Variants in VWF observed in about 807,000 individuals in gnomAD.
The protein encoded by VWF is von Willebrand factor, also known as Factor VIII related antigen.
Under a neutral mutation model 308.6 loss-of-function variants are expected in VWF, and 176 were observed. The ratio of observed to expected loss-of-function variants is 0.57; its 90% CI spans 0.50 to 0.65. The LOEUF (loss-of-function observed/expected upper bound fraction) is 0.65. Among genes scored for constraint, VWF ranks in the 30% least tolerant of loss-of-function variants. The probability of loss-of-function intolerance (pLI) is 0.00; values close to 1 mark genes in which losing one functional copy is unlikely to be tolerated. For synonymous variants in VWF, 1,385 were observed against 1,443.4 expected (o/e 0.96, Z 0.92); for missense variants, 3,146 against 3,648.2 (o/e 0.86, Z 3.55).
At chr12:6,108,310 G>GAA (rs1270569470) in intron 5 of VWF, among the ~76,000 whole-genome samples, 14 of 105,960 alleles carry the variant, frequency 1.3e-4, no homozygotes, top group Non-Finnish European at 1.8e-4. Context: ...AAAAAAAAAA[G>GAA]AAAGAAAGAA....
At chr12:6,007,761 A>G (rs1488478764) in intron 34 of VWF, among the ~76,000 whole-genome samples, 3 of 152,140 alleles carry the variant, frequency 2.0e-5, no homozygotes, top group Non-Finnish European at 4.4e-5. Context: ...AAAACTTAGA[A>G]TTGGTTTTTT....
In VWF at chr12:6,028,747, G is replaced by C. The variant is rs193032461; in HGVS notation, c.2967+595C>G. On this transcript the variant is annotated intron_variant, in intron 22 of 51. Transcript: ENST00000261405. ...TCACCACCAGGCCTGCCTTACAAGA[G>C]CTCCTGAAGGAAGCACTAAACATGG... 2.2e-3 allele frequency among the ~76,000 whole-genome samples: 339 copies of C among 152,240 alleles called. 2 individuals carry two copies. Among genetic ancestry groups the C allele is most frequent in the African/African-American group, 7.1e-3 (295 of 41,536 alleles).
At chr12:5,965,049 T>G (rs1257353196) in intron 47 of VWF, among the ~76,000 whole-genome samples, 1 of 152,154 alleles carries the variant, frequency 6.6e-6, no homozygotes, top group Non-Finnish European at 1.5e-5. Context: ...CTGCTGGATT[T>G]CCTGGCTGCT....
At chr12:5,977,393 G>C (rs908276706) in intron 42 of VWF, among the ~76,000 whole-genome samples, 1 of 151,996 alleles carries the variant, frequency 6.6e-6, no homozygotes, top group Non-Finnish European at 1.5e-5. Flanking sequence ...GGAGTACTAT[G>C]CAGCTATAAG....
At chr12:6,105,806 G>T (rs922706528) in intron 5 of VWF, among the ~76,000 whole-genome samples, 18 of 151,898 alleles carry the variant, frequency 1.2e-4, no homozygotes, top group Non-Finnish European at 2.5e-4. Context: ...GGAGGCCAAG[G>T]TGGGCAGATC....
At position 6,018,936 on chromosome 12, in the gene VWF, G is replaced by A. The variant is rs1294039638; in HGVS notation, c.4482C>T (p.Ser1494=). 6.2e-7 allele frequency: 1 copy of A among 1,613,784 alleles called. No individual in the cohort carries two copies. The highest frequency in any genetic ancestry group is 2.2e-5 in the East Asian group (1 of 44,876). Residue 1494 remains serine (S), a synonymous_variant, in exon 28 of 52, where the codon TCC becomes TCT. Coordinates refer to ENST00000261405, the MANE Select transcript of VWF (RefSeq NM_000552.5). Reference sequence around the variant, plus strand: ...GGACGAACGCCACATCCAGAACCATGGAGTTCCTCTTGGGCCCCAGGGTCG... The same window carrying A: ...GGACGAACGCCACATCCAGAACCATAGAGTTCCTCTTGGGCCCCAGGGTCG... The part of the protein sequence containing the change: ...GVSTLGPKRN[S]MVLDVAFVLE...
intron 34 of VWF, among the ~76,000 whole-genome samples, chr12:6,008,543 T>C (rs1395968732): frequency 6.6e-6 from 1 of 152,116 alleles, no homozygotes; most frequent in Non-Finnish European, 1.5e-5. Context: ...AGGCCATTAA[T>C]GAAAATACCA....
chr12:5,955,980 T>C (rs1943245394), intron 47 of VWF, among the ~76,000 whole-genome samples: 2 of 152,160 alleles, frequency 1.3e-5, no homozygotes, highest in Non-Finnish European at 1.5e-5. Context: ...CAGGGACCAG[T>C]GGAACAGTAT....
chr12:6,023,640 T>A lies in VWF; in HGVS notation c.3370A>T (p.Thr1124Ser). The change falls in exon 25 of 52, where the codon ACA (threonine) becomes TCA (serine). Residue 1124 changes from threonine (T) to serine (S), a missense_variant. Around this residue, in one of 3 missense-constraint regions of VWF, gnomAD observed 853 missense variants for 1,177.8 expected, o/e 0.72. Transcript: ENST00000261405. ...HGKVVTWRTA[T>S]LCPQSCEERN... ...GGGCGTCAGTACTCACGGCACAATG[T>A]GGCCGTCCTCCAGGTCACCACCTTG... The A allele has an allele frequency of 6.2e-7, 1 of 1,613,838 alleles. No homozygotes were observed. The highest frequency in any genetic ancestry group is 1.1e-5 in the South Asian group (1 of 90,868).
chr12:6,036,488 G>A lies in VWF; in HGVS notation c.2446C>T (p.Arg816Trp), dbSNP rs121964894. The A allele has an allele frequency of 2.0e-5, 32 of 1,613,930 alleles. No individual in the cohort carries two copies. Among genetic ancestry groups the A allele is most frequent in the Admixed American group, 1.7e-4 (10 of 59,984 alleles). ...AGGGCCACACATCTGTTCTCATGCC[G>A]GACCTAAGAGAAAAGAATCCAAAAG... Reference protein sequence around the residue: ...SGCLCPPGMVRHENRCVALER... With the variant: ...SGCLCPPGMVWHENRCVALER... The change falls in exon 19 of 52, where the codon CGG (arginine) becomes TGG (tryptophan). Residue 816 changes from arginine to tryptophan, a missense_variant. Physicochemically the swap from Arg to Trp is moderately radical, Grantham distance 101. Transcript: ENST00000261405.
At chr12:6,106,646 A>G (rs2136516390) in intron 5 of VWF, among the ~76,000 whole-genome samples, 1 of 152,044 alleles carries the variant, frequency 6.6e-6, no homozygotes, top group Non-Finnish European at 1.5e-5. Context: ...GGCTAAGCGG[A>G]GGCGGATCAC....
intron 15 of VWF, 42 bp downstream of exon 15, chr12:6,056,815 T>TG (rs1198405318): frequency 3.0e-6 from 4 of 1,342,396 alleles, no homozygotes; most frequent in South Asian, 1.9e-5. Context: ...TGGACGGATT[T>TG]GGGGGGCGGC....
intron 3 of VWF, among the ~76,000 whole-genome samples, chr12:6,113,250 T>C (rs1006006299): frequency 2.6e-5 from 4 of 151,912 alleles, no homozygotes; most frequent in Non-Finnish European, 5.9e-5. Context: ...CAGCAAGAAA[T>C]TGGCCAAAGA....
At chr12:6,100,068 A>G (rs1219191036) in intron 5 of VWF, among the ~76,000 whole-genome samples, 3 of 152,132 alleles carry the variant, frequency 2.0e-5, no homozygotes, top group Non-Finnish European at 4.4e-5. Context: ...CAACCCCGTC[A>G]AAAAGTGGGT....
chr12:5,965,953 G>A (rs1053904166), intron 47 of VWF, among the ~76,000 whole-genome samples: 1 of 152,206 alleles, frequency 6.6e-6, no homozygotes, highest in Non-Finnish European at 1.5e-5. Context: ...CAGGCCAAAT[G>A]GGGCCATGGA....
At chr12:6,110,331 G>C in intron 5 of VWF, 43 bp downstream of exon 5, 1 of 1,598,706 alleles carries the variant, frequency 6.3e-7, no homozygotes, top group Non-Finnish European at 8.6e-7. Flanking sequence ...GAAATAAAAA[G>C]CATGGCCACA....
At chr12:6,011,985 A>G in intron 33 of VWF, 102 bp downstream of exon 33, 5 of 1,451,784 alleles carry the variant, frequency 3.4e-6, no homozygotes, top group Non-Finnish European at 4.8e-6. Flanking sequence ...TAGTAAAAGG[A>G]AGCACTGGAC....
At chr12:6,062,629 A>G (rs902542531) in intron 13 of VWF, among the ~76,000 whole-genome samples, 32 of 152,060 alleles carry the variant, frequency 2.1e-4, no homozygotes, top group Admixed American at 1.9e-3. Context: ...GCACCCAGGG[A>G]GACACCCCTG....
At chr12:6,097,135 T>A (rs373867525) in intron 5 of VWF, among the ~76,000 whole-genome samples, 125 of 152,202 alleles carry the variant, frequency 8.2e-4, no homozygotes, top group African/African-American at 2.7e-3. Context: ...ATCACCTGTA[T>A]CCTTATAAGA....
Sources: allele counts gnomAD v4.1 joint callset (sites outside exome capture counted in the v4.1 genomes callset), GRCh38; gene constraint gnomAD v4.1.1; regional missense constraint gnomAD v4.1.1; transcripts MANE v1.5; gene names NCBI Gene and HGNC (gene_info 2026-07-23, HGNC 2026-07-21).